The following PIEZO2 variants were observed in gnomAD, a reference collection of about 807,000 sequenced individuals.
The protein encoded by PIEZO2 is piezo type mechanosensitive ion channel component 2.
Under a neutral mutation model 337.3 loss-of-function variants are expected in PIEZO2, and 172 were observed. The observed-to-expected ratio is 0.51, with a 90% confidence interval of 0.45 to 0.58. The LOEUF is 0.58. Ranked by LOEUF, PIEZO2 falls within the 20% of genes least tolerant of loss-of-function variation. PIEZO2 has a pLI of 0.00. For synonymous variants in PIEZO2, 1,251 were observed against 1,228.5 expected, an observed-to-expected ratio of 1.02 and a Z score of -0.38; for missense variants, 3,028 against 3,391.3, an observed-to-expected ratio of 0.89 and a Z score of 2.66.
chr18:11,065,994 A>G lies in PIEZO2; in HGVS notation c.160+133T>C, dbSNP rs7231609. ...TAGTGTAGTTCTTAAAATGTTTGAC[A>G]CCCACTCCATGCCATATTAGCCCTG... On this transcript the variant is annotated intron_variant, in intron 2 of 55. Coordinates refer to ENST00000674853, the MANE Select transcript of PIEZO2 (RefSeq NM_001378183.1). 440,118 of 655,572 alleles carry G rather than the reference A, an allele frequency of 0.67. 151,242 individuals carry two copies. The highest frequency in any genetic ancestry group is 0.96 in the East Asian group (34,834 of 36,116). 40.6% of individuals were successfully genotyped at this position (655,572 alleles called of 1,614,324 possible).
At chr18:10,883,977 A>AT (rs958877820) in intron 4 of PIEZO2, among the ~76,000 whole-genome samples, 5 of 151,542 alleles carry the variant, frequency 3.3e-5, no homozygotes, top group African/African-American at 7.3e-5. Context: ...TGCCTGGCTA[A>AT]TTTTTTTGTA....
rs996330504 is a variant in PIEZO2 at position 10,859,071 on chromosome 18, G to C, written c.493-1860C>G. 5.9e-5 allele frequency among the ~76,000 whole-genome samples: 9 copies of C among 152,140 alleles called. No individual in the cohort carries two copies. In the East Asian group the frequency reaches 1.5e-3, roughly 26 times the overall value. On this transcript the variant is annotated intron_variant, in intron 5 of 55. Coordinates refer to ENST00000674853, the MANE Select transcript of PIEZO2 (RefSeq NM_001378183.1). The surrounding 1 kb of genome is among the most constrained non-coding windows in gnomAD (Gnocchi z 4.9). The stretch of plus-strand genomic sequence containing the variant: ...AATGAATGCCCCCTTCAGGGAGGTC[G>C]AATAGGGTGATGTGGTAGTGATAAA...
intron 4 of PIEZO2, among the ~76,000 whole-genome samples, chr18:10,875,283 A>G (rs2144812206): frequency 6.6e-6 from 1 of 152,326 alleles, no homozygotes; most frequent in Non-Finnish European, 1.5e-5. Flanking sequence ...AACTACATTT[A>G]TATTATAGTA....
chr18:10,715,208 C>A (rs576900639), intron 38 of PIEZO2, among the ~76,000 whole-genome samples: 1 of 152,304 alleles, frequency 6.6e-6, no homozygotes, highest in South Asian at 2.1e-4. Context: ...AGTCTTTAAA[C>A]CATATATTTT....
chr18:10,974,876 C>A (rs2034382361), intron 3 of PIEZO2, among the ~76,000 whole-genome samples: 1 of 152,194 alleles, frequency 6.6e-6, no homozygotes, highest in South Asian at 2.1e-4. Flanking sequence ...TCGCTGCTTC[C>A]CGCTGGATGG....
At chr18:11,062,621 A>G (rs1189054393) in intron 2 of PIEZO2, among the ~76,000 whole-genome samples, 1 of 152,254 alleles carries the variant, frequency 6.6e-6, no homozygotes, top group African/African-American at 2.4e-5. Flanking sequence ...GCACTTCTCA[A>G]AAGAGGACAT....
In PIEZO2 at chr18:10,745,445, G is replaced by A. The variant is rs1037774359; in HGVS notation, c.4425-1214C>T. Among the ~76,000 whole-genome samples the A allele has an allele frequency of 4.6e-5, 7 of 151,998 alleles. No homozygotes were observed. In the East Asian group the frequency reaches 1.4e-3, roughly 29 times the overall value. ...CCCCCTTCACAGTCAGATGTCTTGC[G>A]GTCATGTCTCTAAGCCTTTACAACT... On this transcript the variant is annotated intron_variant, in intron 30 of 55. Transcript: ENST00000674853.
At chr18:11,085,946 G>C (rs2038895924) in intron 1 of PIEZO2, among the ~76,000 whole-genome samples, 1 of 151,958 alleles carries the variant, frequency 6.6e-6, no homozygotes, top group Non-Finnish European at 1.5e-5. Flanking sequence ...TCTGAAGCCT[G>C]TGTACTACCC....
At chr18:10,740,237 T>C (rs573023286) in intron 33 of PIEZO2, 3 of 152,484 alleles carry the variant, frequency 2.0e-5, no homozygotes, top group African/African-American at 7.2e-5. Flanking sequence ...AGAGCAAATA[T>C]AGCCACTGAG....
Position 11,099,965 on chromosome 18 carries a change from A to G in PIEZO2, c.65-33743T>C, listed in dbSNP as rs2039363843. ...TATATAATCACAAATGTTTTCTCCT[A>G]GTATGTCATTTGTCTTCATAGTTTG... On this transcript the variant is annotated intron_variant, in intron 1 of 55. Coordinates refer to ENST00000674853, the MANE Select transcript of PIEZO2 (RefSeq NM_001378183.1). This position sits in a 1 kb window ranked among gnomAD's most constrained non-coding sequence, Gnocchi z 5.4. Among the ~76,000 whole-genome samples the G allele has an allele frequency of 6.6e-6, 1 of 152,156 alleles. No homozygotes were observed. The highest frequency in any genetic ancestry group is 2.1e-4 in the South Asian group (1 of 4,834).
intron 9 of PIEZO2, among the ~76,000 whole-genome samples, chr18:10,801,703 TAC>T (rs1358446572): frequency 6.6e-6 from 1 of 152,160 alleles, no homozygotes; most frequent in Non-Finnish European, 1.5e-5. Flanking sequence ...GGTTATGTTC[TAC>T]AAGAATAAGC....
At chr18:10,763,554 C>T (rs544634126) in intron 21 of PIEZO2, among the ~76,000 whole-genome samples, 8 of 152,242 alleles carry the variant, frequency 5.3e-5, no homozygotes, top group South Asian at 4.1e-4. Context: ...CAACAACAAA[C>T]GACTGGAAAG....
chr18:10,949,435 C>G (rs1423720749), intron 3 of PIEZO2, among the ~76,000 whole-genome samples: 1 of 152,210 alleles, frequency 6.6e-6, no homozygotes, highest in Non-Finnish European at 1.5e-5. Context: ...CGTAGGCATC[C>G]TCCAAGGGCT....
chr18:10,686,198 C>T (rs581229), intron 49 of PIEZO2, among the ~76,000 whole-genome samples: 66,360 of 151,994 alleles, frequency 0.44, 15,432 homozygotes, highest in East Asian at 0.72. Flanking sequence ...TGGGTGTCAG[C>T]ACCCATCCTA....
rs577015318 is a variant in PIEZO2 at position 10,787,720 on chromosome 18, T to C, written c.2170-536A>G. 5.9e-5 allele frequency among the ~76,000 whole-genome samples: 9 copies of C among 152,370 alleles called. No homozygotes were observed. In the South Asian group the frequency reaches 1.9e-3, roughly 32 times the overall value. ...TATTCAAAAGTTCACTGATTTCTTTTGAGATTTTTTTATCTTAACATATTA... is the reference window on the plus strand; with the variant it reads ...TATTCAAAAGTTCACTGATTTCTTTCGAGATTTTTTTATCTTAACATATTA... On this transcript the variant is annotated intron_variant, in intron 15 of 55. Transcript: ENST00000674853.
rs1373801301 is a variant in PIEZO2 at position 10,969,835 on chromosome 18, G to A, written c.286+9700C>T. Among the ~76,000 whole-genome samples the A allele has an allele frequency of 3.3e-5, 5 of 151,920 alleles. No individual in the cohort carries two copies. The highest frequency in any genetic ancestry group is 3.3e-4 in the Admixed American group (5 of 15,260). On this transcript the variant is annotated intron_variant, in intron 3 of 55. Transcript: ENST00000674853. The surrounding 1 kb of genome is among the most constrained non-coding windows in gnomAD (Gnocchi z 4.5). ...TTTACTTGCAGGTCCAGCAGGTGAG[G>A]ACACCACCGAGAATCGGTCACAAAA... is the stretch of plus-strand genomic sequence containing the variant.
chr18:11,037,297 C>G (rs1001799607), intron 2 of PIEZO2, among the ~76,000 whole-genome samples: 2 of 152,098 alleles, frequency 1.3e-5, no homozygotes, highest in African/African-American at 4.8e-5. Flanking sequence ...AGTGTATTAT[C>G]CCAACTTAAA....
At position 10,704,572 on chromosome 18, in the gene PIEZO2, A is replaced by G. The variant is rs755696086; in HGVS notation, c.6080T>C (p.Met2027Thr). 4 of 1,537,180 alleles carry G rather than the reference A, an allele frequency of 2.6e-6. No individual in the cohort carries two copies. Among genetic ancestry groups the G allele is most frequent in the African/African-American group, 2.7e-5 (2 of 73,062 alleles). The change falls in exon 42 of 56, where the codon ATG becomes ACG. Residue 2027 changes from methionine (M) to threonine (T), a missense_variant. Met to Thr is a moderately conservative substitution (Grantham distance 81). This residue lies in a region of PIEZO2 where 1,925 missense variants were observed against 2,051.9 expected (regional missense o/e 0.94). Transcript: ENST00000674853. ...QPRFLLLFYAMYNTLVARSEM... is the reference protein window; with the variant it reads ...QPRFLLLFYATYNTLVARSEM... ...CGAGCGGGCCACCAGGGTATTGTAC[A>G]TGGCATAGAAGAGCAGCAGAAATCG...
chr18:10,678,430 G>T (rs2034112181), intron 52 of PIEZO2, among the ~76,000 whole-genome samples: 1 of 152,118 alleles, frequency 6.6e-6, no homozygotes, highest in Non-Finnish European at 1.5e-5. Context: ...ATTCTGAACA[G>T]CCCCACTTTG....
Sources: allele counts gnomAD v4.1 joint callset (sites outside exome capture counted in the v4.1 genomes callset), GRCh38; gene constraint gnomAD v4.1.1; regional missense constraint gnomAD v4.1.1; non-coding constraint Gnocchi (gnomAD v3.1); transcripts MANE v1.5; gene names NCBI Gene and HGNC (gene_info 2026-07-23, HGNC 2026-07-21).